The following POLR3B variants were observed in gnomAD, a reference collection of about 807,000 sequenced individuals.
The protein encoded by POLR3B is RNA polymerase III subunit B.
A neutral mutation model predicts 147.4 loss-of-function variants in POLR3B; 96 were observed. That is an observed-to-expected ratio of 0.65 (90% confidence interval 0.55 to 0.77). POLR3B has a LOEUF of 0.77. POLR3B is among the 30% of genes least tolerant of loss of function. The pLI, the probability that POLR3B is intolerant of heterozygous loss-of-function variation, is 0.00. For synonymous variants in POLR3B, 461 were observed against 485.9 expected (o/e 0.95, Z 0.67); for missense variants, 1,036 against 1,413.5 (o/e 0.73, Z 4.28).
chr12:106,499,015 G>C (rs1328190457), intron 25 of POLR3B, among the ~76,000 whole-genome samples: 1 of 151,626 alleles, frequency 6.6e-6, no homozygotes, highest in Non-Finnish European at 1.5e-5. Flanking sequence ...TATTAAAAAT[G>C]TGGAGTGCTT....
At chr12:106,498,569 T>G (rs1021742606) in intron 25 of POLR3B, among the ~76,000 whole-genome samples, 2 of 151,222 alleles carry the variant, frequency 1.3e-5, no homozygotes, top group Admixed American at 1.3e-4. Flanking sequence ...GTTTTTTTTG[T>G]TTTTTGGGGT....
At chr12:106,377,987 C>T (rs1178766332) in intron 7 of POLR3B, among the ~76,000 whole-genome samples, 1 of 152,114 alleles carries the variant, frequency 6.6e-6, no homozygotes, top group Non-Finnish European at 1.5e-5. Flanking sequence ...ACTCGGGAGA[C>T]TGGGGCGGGC....
At chr12:106,418,601 T>C (rs1484716227) in intron 12 of POLR3B, among the ~76,000 whole-genome samples, 2 of 152,226 alleles carry the variant, frequency 1.3e-5, no homozygotes, top group African/African-American at 4.8e-5. Flanking sequence ...TTTTTTAGCA[T>C]TTTCATTGAA....
Position 106,457,178 on chromosome 12 carries a change from G to C in POLR3B, c.2334G>C (p.Thr778=). The change falls in exon 21 of 28, where the codon ACG becomes ACC. Residue 778 remains threonine, a synonymous_variant. Transcript: ENST00000228347. ...RCLVYKNAKC[T]LKRYTNQTFD... is the part of the protein sequence containing the mutation. ...TTGTATATAAAAATGCTAAATGTAC[G>C]TTGAAACGATACACCAATCAGACTT... The C allele has an allele frequency of 1.2e-6, 2 of 1,613,228 alleles. No homozygotes were observed.
chr12:106,508,031 C>T (rs1045437327), intron 27 of POLR3B, among the ~76,000 whole-genome samples: 1 of 152,152 alleles, frequency 6.6e-6, no homozygotes, highest in Non-Finnish European at 1.5e-5. Context: ...ATTTTGGGGG[C>T]TCCATACACT....
chr12:106,498,628 C>G (rs2038540595), intron 25 of POLR3B, among the ~76,000 whole-genome samples: 1 of 148,984 alleles, frequency 6.7e-6, no homozygotes, highest in Non-Finnish European at 1.5e-5. Flanking sequence ...ATTGCCCAGG[C>G]TGGAATGCAA....
chr12:106,388,301 A>G (rs760347399), intron 9 of POLR3B, among the ~76,000 whole-genome samples: 27 of 151,620 alleles, frequency 1.8e-4, no homozygotes, highest in Non-Finnish European at 3.2e-4. Flanking sequence ...GTTTCCTGGA[A>G]ACTAACTTAT....
rs148665980 is a variant in POLR3B, at chr12:106,489,626, G to A, written c.2714-6429G>A. Among the ~76,000 whole-genome samples, 645 of 152,300 alleles carry A rather than the reference G, an allele frequency of 4.2e-3. 2 individuals are homozygous for A. The highest frequency in any genetic ancestry group is 6.2e-3 in the Non-Finnish European group (424 of 68,016). ...AGTAAGAAAATGGTAATTCATGTGTGATAGAAAAGCCAAGGAGAAAGTTTA... is the reference window on the plus strand; with the variant it reads ...AGTAAGAAAATGGTAATTCATGTGTAATAGAAAAGCCAAGGAGAAAGTTTA... On this transcript the variant is annotated intron_variant, in intron 23 of 27. Coordinates refer to ENST00000228347, the MANE Select transcript of POLR3B (RefSeq NM_018082.6).
At position 106,399,949 on chromosome 12, in the gene POLR3B, A is replaced by G. The variant is rs150555974; in HGVS notation, c.847-5908A>G. The stretch of plus-strand genomic sequence containing the variant: ...AACTAACAAGCAAAATAGCCAGCTG[A>G]CATCATAATGACAGATCAAATTCAC... On this transcript the variant is annotated intron_variant, in intron 10 of 27. Coordinates refer to ENST00000228347, the MANE Select transcript of POLR3B (RefSeq NM_018082.6). 6.1e-3 allele frequency among the ~76,000 whole-genome samples: 927 copies of G among 152,364 alleles called. 34 individuals are homozygous for G. Among genetic ancestry groups the G allele is most frequent in the Admixed American group, 0.049 (757 of 15,308 alleles).
intron 6 of POLR3B, among the ~76,000 whole-genome samples, chr12:106,375,994 A>G (rs530720535): frequency 5.3e-5 from 8 of 152,184 alleles, no homozygotes; most frequent in African/African-American, 7.2e-5. Flanking sequence ...ACCGGCACAC[A>G]CCACCACACC....
At chr12:106,486,299 A>G (rs1317835904) in intron 23 of POLR3B, among the ~76,000 whole-genome samples, 8 of 150,344 alleles carry the variant, frequency 5.3e-5, no homozygotes, top group African/African-American at 2.0e-4. Flanking sequence ...AAAAAAAAAA[A>G]AAAAAAAAAA....
chr12:106,434,264 G>T (rs2037548047), intron 16 of POLR3B, among the ~76,000 whole-genome samples: 1 of 152,134 alleles, frequency 6.6e-6, no homozygotes, highest in Non-Finnish European at 1.5e-5. Flanking sequence ...GTTCAGTGAG[G>T]CTAAGTAACT....
intron 12 of POLR3B, among the ~76,000 whole-genome samples, chr12:106,421,461 T>C (rs2037373113): frequency 6.6e-6 from 1 of 152,180 alleles, no homozygotes; most frequent in South Asian, 2.1e-4. Context: ...TTTTGTCTAA[T>C]AGATGCAAAA....
chr12:106,405,400 T>G (rs1252951416), intron 10 of POLR3B, among the ~76,000 whole-genome samples: 1 of 152,176 alleles, frequency 6.6e-6, no homozygotes, highest in African/African-American at 2.4e-5. Context: ...ATTTAGGTTT[T>G]GTTTTCTGTC....
At chr12:106,480,098 C>T (rs2038245794) in intron 23 of POLR3B, among the ~76,000 whole-genome samples, 1 of 152,014 alleles carries the variant, frequency 6.6e-6, no homozygotes, top group African/African-American at 2.4e-5. Flanking sequence ...AGTGATCCAC[C>T]TGCCTCAGCT....
chr12:106,404,981 A>G (rs76727827), intron 10 of POLR3B, among the ~76,000 whole-genome samples: 1 of 152,278 alleles, frequency 6.6e-6, no homozygotes, highest in East Asian at 1.9e-4. Flanking sequence ...TTTGTTGAGA[A>G]GATTTTTCCT....
chr12:106,464,198 A>G (rs746338458), intron 23 of POLR3B, among the ~76,000 whole-genome samples: 7 of 152,138 alleles, frequency 4.6e-5, no homozygotes, highest in Non-Finnish European at 8.8e-5. Flanking sequence ...AGCCTCACTC[A>G]TTCCTTTGAT....
chr12:106,444,437 T>C (rs2037695173), intron 18 of POLR3B, 26 bp from the exon 19 acceptor site: 4 of 1,612,690 alleles, frequency 2.5e-6, no homozygotes, highest in Non-Finnish European at 3.4e-6. Flanking sequence ...ATGCTTAAGA[T>C]ATGTGATTTT....
chr12:106,366,240 A>G (rs969977582), intron 2 of POLR3B, among the ~76,000 whole-genome samples: 3 of 152,222 alleles, frequency 2.0e-5, no homozygotes, highest in African/African-American at 7.2e-5. Flanking sequence ...CCATATATTC[A>G]TGTACTCATA....
Sources: allele counts gnomAD v4.1 joint callset (sites outside exome capture counted in the v4.1 genomes callset), GRCh38; gene constraint gnomAD v4.1.1; transcripts MANE v1.5; gene names NCBI Gene and HGNC (gene_info 2026-07-23, HGNC 2026-07-21).